Variants in KDM2A observed in about 807,000 individuals in gnomAD.
KDM2A encodes the protein lysine-specific demethylase 2A.
In KDM2A, 3 loss-of-function variants were observed where a neutral mutation model predicts 137.3. The observed-to-expected ratio is 0.02, with a 90% CI of 0.01 to 0.06. The LOEUF is 0.06. KDM2A is among the 10% of genes least tolerant of loss of function. The pLI is 1.00. For missense variants in KDM2A, 738 were observed against 1,510.6 expected (o/e 0.49, Z 8.48); for synonymous variants, 512 against 541.5 (o/e 0.95, Z 0.76).
At chr11:67,121,183 G>C in intron 1 of KDM2A, 51 bp from the exon 2 acceptor site, 1 of 689,902 alleles carries the variant, frequency 1.4e-6, no homozygotes, top group Non-Finnish European at 2.6e-6. Flanking sequence ...TGAACAGAAA[G>C]CACAAGTTTG....
chr11:67,194,002 C>T (rs547488989), intron 5 of KDM2A, among the ~76,000 whole-genome samples: 2 of 152,334 alleles, frequency 1.3e-5, no homozygotes, highest in East Asian at 1.9e-4. Flanking sequence ...TCTCACTGCA[C>T]CTGTCCACCA....
intron 10 of KDM2A, chr11:67,219,651 C>T: frequency 4.8e-6 from 1 of 207,822 alleles, no homozygotes; most frequent in Non-Finnish European, 9.7e-6. Flanking sequence ...ACCTCCCAGG[C>T]TCAAGCATCT....
chr11:67,192,055 A>G (rs904556231), intron 5 of KDM2A, among the ~76,000 whole-genome samples: 3 of 152,220 alleles, frequency 2.0e-5, no homozygotes, highest in Admixed American at 6.5e-5. Flanking sequence ...ACACCCATCT[A>G]TAAACCCAAA....
At chr11:67,125,505 C>CA (rs1247657828) in intron 2 of KDM2A, among the ~76,000 whole-genome samples, 11 of 152,094 alleles carry the variant, frequency 7.2e-5, no homozygotes, top group Non-Finnish European at 8.8e-5. Context: ...GGTGTGGTGG[C>CA]TCACACCTGA....
chr11:67,201,193 CA>C (rs35150844), intron 5 of KDM2A, among the ~76,000 whole-genome samples: 3,635 of 111,628 alleles, frequency 0.033, 137 homozygotes, highest in African/African-American at 0.11. Flanking sequence ...GACTCTGTCT[CA>C]AAAAAAAAAA....
At chr11:67,169,034 C>T (rs1027983314) in intron 2 of KDM2A, among the ~76,000 whole-genome samples, 1 of 143,194 alleles carries the variant, frequency 7.0e-6, no homozygotes, top group African/African-American at 2.6e-5. Context: ...CAGCTCACTG[C>T]AACCTCTGCT....
At chr11:67,125,499 TGGTGG>T (rs1382952170) in intron 2 of KDM2A, among the ~76,000 whole-genome samples, 11 of 151,982 alleles carry the variant, frequency 7.2e-5, no homozygotes, top group Non-Finnish European at 8.8e-5. Context: ...GGACTGGGTG[TGGTGG>T]CTCACACCTG....
rs1265090570 is a variant in KDM2A, at chr11:67,195,434, TG to T, written c.308-12074del. The T allele has an allele frequency of 4.0e-5, 6 of 150,998 alleles. No homozygotes were observed. In the East Asian group the frequency reaches 1.2e-3, roughly 30 times the overall value. The allele number at this position is 150,998 out of a possible 1,614,324, so 9.4% of individuals were successfully genotyped here. On this transcript the variant is annotated intron_variant, in intron 5 of 20. Coordinates refer to ENST00000529006, the MANE Select transcript of KDM2A (RefSeq NM_012308.3). ...ATACAGCAATATTCTTCAAGGTGGT[TG>T]GATTGCTGGTGATTTTTATTTTCTT...
At chr11:67,181,588 T>G (rs1857092190) in intron 4 of KDM2A, among the ~76,000 whole-genome samples, 190 bp downstream of exon 4, 1 of 149,634 alleles carries the variant, frequency 6.7e-6, no homozygotes, top group Non-Finnish European at 1.5e-5. Context: ...AAAATATAGA[T>G]GAACCAAAAA....
chr11:67,145,161 C>A (rs533966957), intron 2 of KDM2A, among the ~76,000 whole-genome samples: 3 of 151,328 alleles, frequency 2.0e-5, no homozygotes, highest in Non-Finnish European at 2.9e-5. Flanking sequence ...TGTGAGCCAC[C>A]GTGCCCGACC....
chr11:67,205,542 C>T (rs1486853680), intron 5 of KDM2A, among the ~76,000 whole-genome samples: 2 of 152,074 alleles, frequency 1.3e-5, no homozygotes, highest in Non-Finnish European at 2.9e-5. Flanking sequence ...ATTCTCACAC[C>T]TCACCCTCCC....
intron 6 of KDM2A, 37 bp from the exon 7 acceptor site, chr11:67,215,303 C>A: frequency 7.2e-7 from 1 of 1,396,112 alleles, no homozygotes; most frequent in Non-Finnish European, 1.0e-6. Flanking sequence ...CCCAACCTTT[C>A]CCTTGGAGCC....
At chr11:67,249,899 A>G (rs1040661802) in intron 16 of KDM2A, among the ~76,000 whole-genome samples, 187 bp from the exon 17 acceptor site, 2 of 152,192 alleles carry the variant, frequency 1.3e-5, no homozygotes, top group Non-Finnish European at 2.9e-5. Context: ...TGGGAGGCCA[A>G]GGCAGGTGGA....
At chr11:67,136,618 G>C (rs1157331329) in intron 2 of KDM2A, among the ~76,000 whole-genome samples, 1 of 152,186 alleles carries the variant, frequency 6.6e-6, no homozygotes, top group Non-Finnish European at 1.5e-5. Flanking sequence ...TCAGTGAAAG[G>C]CTTCTTGAGA....
chr11:67,142,530 A>AATCCCAG (rs1856130726), intron 2 of KDM2A, among the ~76,000 whole-genome samples: 1 of 131,914 alleles, frequency 7.6e-6, no homozygotes, highest in South Asian at 2.5e-4. Flanking sequence ...AGGTGCCTGT[A>AATCCCAG]ATCCCAGCTA....
At chr11:67,239,967 C>T (rs1858976391) in intron 12 of KDM2A, 5 of 1,030,104 alleles carry the variant, frequency 4.9e-6, no homozygotes, top group Non-Finnish European at 6.2e-6. Context: ...AACACACCCC[C>T]TCCCGGCTCT....
At chr11:67,160,769 C>T (rs1856616348) in intron 2 of KDM2A, among the ~76,000 whole-genome samples, 2 of 151,798 alleles carry the variant, frequency 1.3e-5, no homozygotes, top group Non-Finnish European at 2.9e-5. Flanking sequence ...GAAACTCCAT[C>T]TCAAAAAAAA....
At chr11:67,156,520 A>G (rs1856518082) in intron 2 of KDM2A, among the ~76,000 whole-genome samples, 1 of 151,936 alleles carries the variant, frequency 6.6e-6, no homozygotes, top group Non-Finnish European at 1.5e-5. Context: ...GATCGAGACC[A>G]TCCTGGCTAA....
At chr11:67,203,826 G>A (rs1387113108) in intron 5 of KDM2A, among the ~76,000 whole-genome samples, 2 of 149,790 alleles carry the variant, frequency 1.3e-5, no homozygotes, top group Admixed American at 1.3e-4. Flanking sequence ...TTAAGACAGA[G>A]TCTTGCTGTG....
Sources: gnomAD v4.1 joint callset for allele counts (sites outside exome capture counted in the v4.1 genomes callset) on GRCh38, gnomAD v4.1.1 for gene constraint, MANE v1.5 for transcripts, NCBI Gene and HGNC (gene_info 2026-07-23, HGNC 2026-07-21) for gene names.